The following FAM177A1 variants were observed in gnomAD, a reference collection of about 807,000 sequenced individuals.
The protein encoded by FAM177A1 is family with sequence similarity 177 member A1.
Under a neutral mutation model 26.1 loss-of-function variants are expected in FAM177A1, and 22 were observed. The observed-to-expected ratio is 0.84, with a 90% CI of 0.60 to 1.20. The LOEUF is 1.20. Ranked by LOEUF, FAM177A1 falls within the 50% of genes most tolerant of loss-of-function variation. The probability of loss-of-function intolerance (pLI) is 0.00; values close to 1 mark genes in which losing one functional copy is unlikely to be tolerated. For missense variants in FAM177A1, 296 were observed against 291.1 expected (o/e 1.02, Z -0.12); for synonymous variants, 95 against 99.3 (o/e 0.96, Z 0.26).
At chr14:35,075,881 A>G (rs1421092144) in intron 2 of FAM177A1, among the ~76,000 whole-genome samples, 1 of 152,224 alleles carries the variant, frequency 6.6e-6, no homozygotes, top group East Asian at 1.9e-4. Context: ...AGAAATGCAA[A>G]TCAAAATCAC....
At chr14:35,069,310 A>T (rs1301762472) in intron 2 of FAM177A1, among the ~76,000 whole-genome samples, 1 of 142,514 alleles carries the variant, frequency 7.0e-6, no homozygotes, top group Middle Eastern at 3.5e-3. Context: ...TTTGAGACAG[A>T]GTTTCACTCT....
At chr14:35,056,826 C>CTATT (rs2045069021) in intron 2 of FAM177A1, among the ~76,000 whole-genome samples, 1 of 151,968 alleles carries the variant, frequency 6.6e-6, no homozygotes, top group Non-Finnish European at 1.5e-5. Flanking sequence ...AGGAATTTGT[C>CTATT]CATTTTATCT....
chr14:35,069,135 G>A (rs776838657), intron 2 of FAM177A1, among the ~76,000 whole-genome samples: 11 of 152,094 alleles, frequency 7.2e-5, no homozygotes, highest in Non-Finnish European at 1.3e-4. Flanking sequence ...AACCTTGTCC[G>A]CATCTTTGTA....
intron 4 of FAM177A1, 86 bp from the exon 5 acceptor site, chr14:35,080,935 AC>A: frequency 1.5e-6 from 2 of 1,365,140 alleles, no homozygotes; most frequent in Admixed American, 3.5e-5. Flanking sequence ...TTTTTTTTAA[AC>A]ATAAGCTGAC....
chr14:35,050,875 A>G (rs925650850), intron 1 of FAM177A1: 2 of 152,204 alleles, frequency 1.3e-5, no homozygotes, highest in African/African-American at 4.8e-5. Flanking sequence ...AAGGGTAAAC[A>G]TGAGACTGGG....
At chr14:35,080,439 T>G (rs1238828636) in intron 4 of FAM177A1, among the ~76,000 whole-genome samples, 1 of 152,136 alleles carries the variant, frequency 6.6e-6, no homozygotes, top group Non-Finnish European at 1.5e-5. Flanking sequence ...CTGAAAAAAA[T>G]AAAGTCCTTG....
intron 2 of FAM177A1, among the ~76,000 whole-genome samples, chr14:35,066,777 A>G (rs2045247598): frequency 6.6e-6 from 1 of 151,628 alleles, no homozygotes; most frequent in African/African-American, 2.4e-5. Flanking sequence ...GAATGTATAC[A>G]TAATAGAGGC....
chr14:35,076,350 C>G (rs1205668693), intron 2 of FAM177A1, among the ~76,000 whole-genome samples: 1 of 151,980 alleles, frequency 6.6e-6, no homozygotes, highest in Admixed American at 6.6e-5. Context: ...GGACAGAAAA[C>G]CAAACACCGC....
chr14:35,075,998 T>C (rs1362404337), intron 2 of FAM177A1, among the ~76,000 whole-genome samples: 1 of 152,074 alleles, frequency 6.6e-6, no homozygotes, highest in Non-Finnish European at 1.5e-5. Flanking sequence ...TTGGTGGGAG[T>C]GTAAACTAGT....
At chr14:35,060,570 A>C (rs2045136186) in intron 2 of FAM177A1, among the ~76,000 whole-genome samples, 1 of 151,632 alleles carries the variant, frequency 6.6e-6, no homozygotes, top group African/African-American at 2.4e-5. Context: ...TATTATAGCA[A>C]CTCTGGGTAC....
At chr14:35,071,150 C>T (rs946543998) in intron 2 of FAM177A1, among the ~76,000 whole-genome samples, 3 of 151,954 alleles carry the variant, frequency 2.0e-5, no homozygotes, top group African/African-American at 7.3e-5. Flanking sequence ...GCACCTGCCA[C>T]CACGCCCGGC....
chr14:35,046,940 G>GCC, intron 1 of FAM177A1: 1 of 1,144,096 alleles, frequency 8.7e-7, no homozygotes, highest in South Asian at 3.0e-5. Context: ...TGTCCTTGCA[G>GCC]TAGCTGGAAG....
intron 1 of FAM177A1, among the ~76,000 whole-genome samples, chr14:35,048,222 C>T (rs1048486972): frequency 1.3e-5 from 2 of 152,114 alleles, no homozygotes; most frequent in Non-Finnish European, 2.9e-5. Flanking sequence ...ATATGTTTTT[C>T]AATTTGATTT....
At chr14:35,069,107 A>G (rs768586008) in intron 2 of FAM177A1, among the ~76,000 whole-genome samples, 11 of 152,248 alleles carry the variant, frequency 7.2e-5, no homozygotes, top group Non-Finnish European at 1.5e-4. Flanking sequence ...CTGGGGTACT[A>G]TTCTGTTCAT....
In FAM177A1 at chr14:35,046,324, C is replaced by G. The variant is rs2044860504; in HGVS notation, c.-140C>G. 2 of 1,042,804 alleles carry G rather than the reference C, an allele frequency of 1.9e-6. No individual in the cohort carries two copies. Among genetic ancestry groups the G allele is most frequent in the Admixed American group, 4.2e-5 (1 of 23,990 alleles). 64.6% of individuals were successfully genotyped at this position (1,042,804 alleles called of 1,614,324 possible). On this transcript the variant is annotated 5_prime_UTR_variant, in exon 1 of 5. Transcript: ENST00000280987. ...GCGGAGCCCGGCGGGCTAGGCGAGG[C>G]GCGGGCTGGCCCCGCCCCTCAGGCC... is the stretch of plus-strand genomic sequence containing the variant.
chr14:35,055,888 A>G (rs1425393183), intron 2 of FAM177A1, among the ~76,000 whole-genome samples: 1 of 151,980 alleles, frequency 6.6e-6, no homozygotes, highest in Non-Finnish European at 1.5e-5. Context: ...TTTGCTATGT[A>G]TCTTCTTGAT....
At chr14:35,045,699 A>G (rs751518684), upstream of FAM177A1, among the ~76,000 whole-genome samples, 14 of 152,156 alleles carry the variant, frequency 9.2e-5, no homozygotes, top group Non-Finnish European at 2.1e-4. Context: ...CTTTCGTTGA[A>G]CATTGCGAAA....
At chr14:35,062,610 A>G (rs1216190659) in intron 2 of FAM177A1, among the ~76,000 whole-genome samples, 1 of 152,090 alleles carries the variant, frequency 6.6e-6, no homozygotes, top group African/African-American at 2.4e-5. Flanking sequence ...TAAAGATTAA[A>G]TGAGATAATA....
In FAM177A1 at chr14:35,053,400, A is replaced by T; in HGVS notation, c.288A>T (p.Glu96Asp). The T allele has an allele frequency of 6.2e-7, 1 of 1,614,132 alleles. No homozygotes were observed. Among genetic ancestry groups the T allele is most frequent in the Non-Finnish European group, 8.5e-7 (1 of 1,180,014 alleles). Residue 96 changes from glutamate (E) to aspartate (D), a missense_variant, in exon 2 of 5, where the codon GAA becomes GAT. Coordinates refer to ENST00000280987, the MANE Select transcript of FAM177A1 (RefSeq NM_173607.5). ...CAATGGAAGAATATAGCACAGATGAAGACGAAGTTGATGGCCTGGAGAAGA... is the reference window on the plus strand; with the variant it reads ...CAATGGAAGAATATAGCACAGATGATGACGAAGTTGATGGCCTGGAGAAGA... ...GETMEEYSTD[E>D]DEVDGLEKKD...
Sources: gnomAD v4.1 joint callset for allele counts (sites outside exome capture counted in the v4.1 genomes callset) on GRCh38, gnomAD v4.1.1 for gene constraint, MANE v1.5 for transcripts, NCBI Gene and HGNC (gene_info 2026-07-23, HGNC 2026-07-21) for gene names.